The following IARS1 variants were observed in gnomAD, a reference collection of about 807,000 sequenced individuals.
The protein encoded by IARS1 is isoleucyl-tRNA synthetase 1.
A neutral mutation model predicts 168.2 loss-of-function variants in IARS1; 124 were observed. That is an observed-to-expected ratio of 0.74 (90% CI 0.64 to 0.86). The LOEUF is 0.86. Ranked by LOEUF, IARS1 falls within the 40% of genes least tolerant of loss-of-function variation. The pLI, the probability that IARS1 is intolerant of heterozygous loss-of-function variation, is 0.00. For missense variants in IARS1, 1,452 were observed against 1,515.8 expected (o/e 0.96, Z 0.70); for synonymous variants, 532 against 529.4 (o/e 1.00, Z -0.07).
Position 92,251,962 on chromosome 9 carries a change from A to G in IARS1, c.2230-77T>C. On this transcript the variant is annotated intron_variant, in intron 21 of 33. Coordinates refer to ENST00000443024, the MANE Select transcript of IARS1 (RefSeq NM_002161.6). ...CATTAAAAAAATAAGTTTATTAAAA[A>G]GAGGCAATCTTCAAAGAACATGCAG... 2.9e-6 allele frequency: 3 copies of G among 1,051,118 alleles called. No homozygotes were observed. In the East Asian group the frequency reaches 7.7e-5, roughly 27 times the overall value. 65.1% of individuals were successfully genotyped at this position (1,051,118 alleles called of 1,614,324 possible). A position where few individuals can be genotyped will look rare whatever the true frequency, so the allele number is the denominator to read the frequency against.
intron 20 of IARS1, among the ~76,000 whole-genome samples, chr9:92,255,289 C>T (rs1313391096): frequency 6.6e-6 from 1 of 152,196 alleles, no homozygotes; most frequent in East Asian, 1.9e-4. Context: ...AATGGTGAAT[C>T]CCAGGTCTGT....
intron 31 of IARS1, among the ~76,000 whole-genome samples, chr9:92,227,492 C>T (rs1203661449): frequency 6.7e-6 from 1 of 149,228 alleles, no homozygotes; most frequent in African/African-American, 2.5e-5. Flanking sequence ...AGGCTCCTCA[C>T]TTCCCAGTAG....
intron 33 of IARS1, among the ~76,000 whole-genome samples, chr9:92,216,301 C>A (rs1838678457): frequency 6.6e-6 from 1 of 151,212 alleles, no homozygotes; most frequent in African/African-American, 2.4e-5. Context: ...ACAACCGGTA[C>A]CAGCTGCTGC....
At chr9:92,260,989 T>C (rs1395264147) in intron 17 of IARS1, among the ~76,000 whole-genome samples, 1 of 152,158 alleles carries the variant, frequency 6.6e-6, no homozygotes, top group East Asian at 1.9e-4. Flanking sequence ...TGCAGTCATC[T>C]AAAATCTCAA....
chr9:92,235,211 CTT>C (rs1465056639), intron 30 of IARS1, among the ~76,000 whole-genome samples: 1 of 152,156 alleles, frequency 6.6e-6, no homozygotes, highest in Non-Finnish European at 1.5e-5. Context: ...ATCTGCATGA[CTT>C]TTATTTCCTC....
chr9:92,289,030 G>A (rs1036236120), intron 2 of IARS1, among the ~76,000 whole-genome samples: 3 of 151,822 alleles, frequency 2.0e-5, no homozygotes, highest in African/African-American at 7.3e-5. Flanking sequence ...GCAACATGGT[G>A]AAACCCCGTC....
chr9:92,228,232 CG>C (rs1826072146), intron 31 of IARS1, among the ~76,000 whole-genome samples: 1 of 152,100 alleles, frequency 6.6e-6, no homozygotes, highest in African/African-American at 2.4e-5. Flanking sequence ...GTTACATCTG[CG>C]ATAATCCTAT....
intron 30 of IARS1, among the ~76,000 whole-genome samples, chr9:92,233,354 A>G (rs1827008033): frequency 6.6e-6 from 1 of 152,246 alleles, no homozygotes; most frequent in South Asian, 2.1e-4. Context: ...ATGGCCATTT[A>G]AAGTCTTGTC....
In IARS1 at chr9:92,249,717, G is replaced by A; in HGVS notation, c.2616+141C>T. The A allele has an allele frequency of 1.0e-5, 5 of 486,410 alleles. No homozygotes were observed. In the South Asian group the frequency reaches 1.6e-4, roughly 15 times the overall value. 30.1% of individuals were successfully genotyped at this position (486,410 alleles called of 1,614,324 possible). A position where few individuals can be genotyped will look rare whatever the true frequency, so the allele number is the denominator to read the frequency against. On this transcript the variant is annotated intron_variant, in intron 25 of 33. Coordinates refer to ENST00000443024, the MANE Select transcript of IARS1 (RefSeq NM_002161.6). ...CAAATTTATGTTGATTCCAAGCACA[G>A]TGTAAAATATGGATTATTACATTTG...
intron 1 of IARS1, among the ~76,000 whole-genome samples, chr9:92,290,316 T>C (rs1836115146): frequency 6.6e-6 from 1 of 152,238 alleles, no homozygotes; most frequent in Non-Finnish European, 1.5e-5. Context: ...ATGCTGAGCA[T>C]CTTTCCACAT....
chr9:92,232,389 G>A (rs762981261), intron 30 of IARS1, among the ~76,000 whole-genome samples: 2 of 152,198 alleles, frequency 1.3e-5, no homozygotes, highest in Admixed American at 1.3e-4. Flanking sequence ...GAATGCTGAT[G>A]TGACAGTTAT....
At chr9:92,240,713 C>G (rs960045804) in intron 30 of IARS1, 143 bp downstream of exon 30, 1 of 719,622 alleles carries the variant, frequency 1.4e-6, no homozygotes, top group East Asian at 2.7e-5. Context: ...ATTTTGATGA[C>G]AAGAAGAAAA....
intron 30 of IARS1, 79 bp downstream of exon 30, chr9:92,240,777 A>C: frequency 1.2e-6 from 1 of 805,978 alleles, no homozygotes; most frequent in Non-Finnish European, 2.2e-6. Flanking sequence ...AAAAACATCC[A>C]TAAGTTTTTT....
chr9:92,271,003 C>T lies in IARS1; in HGVS notation c.1187G>A (p.Ser396Asn), dbSNP rs1339355754. 2.9e-5 allele frequency: 47 copies of T among 1,611,670 alleles called. 1 individual carries two copies. The Admixed American group carries it at 7.5e-4, about 26-fold the overall frequency. Residue 396 changes from serine to asparagine, a missense_variant, in exon 12 of 34, where the codon AGC (serine) becomes AAC (asparagine). Transcript: ENST00000443024. ...RLLVATTFTH[S>N]YPFCWRSDTP... ...TTCTGACCTCCAGCAAAAAGGGTAG[C>T]TGTGAGTGAAGGTGGTGGCAACCAG...
At position 92,271,542 on chromosome 9, in the gene IARS1, C is replaced by CAG. The variant is rs1328398720; in HGVS notation, c.1103_1104insCT (p.Gln368HisfsTer4). ...TATATGGATTACAGACCTTCACATA[C>CAG]TGTCCTGCGAAATCTGTCACCTCCG... On this transcript the variant is annotated frameshift_variant, in exon 11 of 34. Transcript: ENST00000443024. LOFTEE classifies it high-confidence loss of function. 5 of 1,613,946 alleles carry CAG rather than the reference C, an allele frequency of 3.1e-6. No homozygotes were observed. Among genetic ancestry groups the CAG allele is most frequent in the Non-Finnish European group, 4.2e-6 (5 of 1,179,946 alleles).
chr9:92,278,968 G>A (rs868728156), intron 7 of IARS1, among the ~76,000 whole-genome samples: 1 of 152,134 alleles, frequency 6.6e-6, no homozygotes, highest in African/African-American at 2.4e-5. Flanking sequence ...TACCCTTATT[G>A]TAAGTGTTTC....
At chr9:92,262,473 A>G (rs545903612) in intron 17 of IARS1, among the ~76,000 whole-genome samples, 5 of 152,298 alleles carry the variant, frequency 3.3e-5, no homozygotes, top group Non-Finnish European at 7.3e-5. Flanking sequence ...AGACTTCCTT[A>G]TAATAGCAAA....
At chr9:92,279,140 T>C (rs145562439) in intron 7 of IARS1, among the ~76,000 whole-genome samples, 1 of 152,332 alleles carries the variant, frequency 6.6e-6, no homozygotes, top group African/African-American at 2.4e-5. Flanking sequence ...TTTAGTTCAC[T>C]ATAAGAAAAA....
chr9:92,258,831 G>A, intron 19 of IARS1, 23 bp downstream of exon 19: 7 of 1,581,774 alleles, frequency 4.4e-6, no homozygotes, highest in Non-Finnish European at 6.0e-6. Context: ...GCAGGTACAT[G>A]TGCAGCCCCC....
Sources: allele counts gnomAD v4.1 joint callset (sites outside exome capture counted in the v4.1 genomes callset), GRCh38; gene constraint gnomAD v4.1.1; transcripts MANE v1.5; gene names NCBI Gene and HGNC (gene_info 2026-07-23, HGNC 2026-07-21).